The following CELF2 variants were observed in gnomAD, a reference collection of about 807,000 sequenced individuals.
The protein encoded by CELF2 is CUGBP Elav-like family member 2.
A neutral mutation model predicts 62.6 loss-of-function variants in CELF2; 8 were observed. That is an observed-to-expected ratio of 0.13 (90% CI 0.07 to 0.23). The LOEUF (loss-of-function observed/expected upper bound fraction) is 0.23, where lower values mean the gene tolerates loss of function less well. Among genes scored for constraint, CELF2 ranks in the 10% least tolerant of loss-of-function variants. The pLI, the probability that CELF2 is intolerant of heterozygous loss-of-function variation, is 1.00. For missense variants in CELF2, 333 were observed against 671.0 expected (o/e 0.50, Z 5.56); for synonymous variants, 258 against 250.0 (o/e 1.03, Z -0.30).
the CELF2 span, among the ~76,000 whole-genome samples, chr10:10,690,296 T>C: frequency 1.3e-5 from 2 of 152,218 alleles, no homozygotes; most frequent in African/African-American, 2.4e-5. Flanking sequence ...CTCCAGACTG[T>C]AGCTTCCTTG....
At chr10:10,819,401 A>G (rs959240588) in intron 1 of CELF2, among the ~76,000 whole-genome samples, 8 of 152,186 alleles carry the variant, frequency 5.3e-5, no homozygotes, top group African/African-American at 1.9e-4. Context: ...GCCAGAAACC[A>G]CGAATTTTAG....
chr10:10,698,424 A>G, the CELF2 span, among the ~76,000 whole-genome samples: 1 of 152,244 alleles, frequency 6.6e-6, no homozygotes, highest in African/African-American at 2.4e-5. Context: ...GATTAATAAG[A>G]AAGACAAAAC....
At chr10:10,953,967 A>G (rs1409257881) in intron 2 of CELF2, among the ~76,000 whole-genome samples, 1 of 151,988 alleles carries the variant, frequency 6.6e-6, no homozygotes, top group Non-Finnish European at 1.5e-5. Flanking sequence ...ATGAATAATC[A>G]TTTTACAGGA....
At chr10:10,828,278 T>C (rs7069558) in intron 1 of CELF2, among the ~76,000 whole-genome samples, 106,871 of 152,034 alleles carry the variant, frequency 0.7, 37,740 homozygotes, top group East Asian at 0.78. Context: ...CATCAACAGG[T>C]GAATAGATAA....
chr10:10,986,305 C>G lies in CELF2; in HGVS notation c.89+66306C>G, dbSNP rs1448208854. ...CAAAATACCAATAGAGATTTTTTCCCTCTAATATCTAAGAAAGCTGTTTTA... is the reference window on the plus strand; with the variant it reads ...CAAAATACCAATAGAGATTTTTTCCGTCTAATATCTAAGAAAGCTGTTTTA... On this transcript the variant is annotated intron_variant, in intron 2 of 13. Coordinates refer to the CELF2 transcript ENST00000636488. Among the ~76,000 whole-genome samples, 6 of 151,994 alleles carry G rather than the reference C, an allele frequency of 3.9e-5. No homozygotes were observed. The East Asian group carries it at 1.2e-3, about 29-fold the overall frequency.
In CELF2 at chr10:11,328,348, T is replaced by C. The variant is rs1479724627; in HGVS notation, c.1439-578T>C. ...TATGAGTGAGTTATTCTAGAGTTTA[T>C]TCGCTAATTGACCCATCCTCCAGCT... On this transcript the variant is annotated intron_variant, in intron 12 of 12. Coordinates refer to ENST00000633077, the MANE Select transcript of CELF2 (RefSeq NM_001326342.2). The surrounding 1 kb of genome is among the most constrained non-coding windows in gnomAD (Gnocchi z 6.4). Among the ~76,000 whole-genome samples the C allele has an allele frequency of 1.1e-4, 16 of 152,340 alleles. No homozygotes were observed. The highest frequency in any genetic ancestry group is 3.3e-4 in the Admixed American group (5 of 15,308).
chr10:11,144,435 CTG>C (rs2061883818), intron 1 of CELF2, among the ~76,000 whole-genome samples: 1 of 152,104 alleles, frequency 6.6e-6, no homozygotes. Flanking sequence ...ACGCAACAGA[CTG>C]TATGTAGTTT....
the CELF2 span, among the ~76,000 whole-genome samples, chr10:10,764,239 G>A: frequency 6.6e-6 from 1 of 152,188 alleles, no homozygotes; most frequent in African/African-American, 2.4e-5. Context: ...TATTTGAAAG[G>A]GAAATCATAT....
At chr10:10,542,876 G>T in the CELF2 span, among the ~76,000 whole-genome samples, 1 of 152,156 alleles carries the variant, frequency 6.6e-6, no homozygotes, top group East Asian at 1.9e-4. Flanking sequence ...TAGTGTGTTG[G>T]TCTCCTGGGC....
At position 11,165,099 on chromosome 10, in the gene CELF2, T is replaced by C; in HGVS notation, c.75-387T>C. On this transcript the variant is annotated intron_variant, in intron 1 of 12. Coordinates refer to ENST00000633077, the MANE Select transcript of CELF2 (RefSeq NM_001326342.2). The surrounding 1 kb of genome is among the most constrained non-coding windows in gnomAD (Gnocchi z 7.4). Reference sequence around the variant, plus strand: ...ATCCAGCAGACATCTAGCTCTGCCTTTCTTTCCCAGCCACAGCCAGGGTAG... The same window carrying C: ...ATCCAGCAGACATCTAGCTCTGCCTCTCTTTCCCAGCCACAGCCAGGGTAG... The C allele has an allele frequency of 1.0e-6, 1 of 1,000,564 alleles. No homozygotes were observed. Among genetic ancestry groups the C allele is most frequent in the South Asian group, 4.4e-5 (1 of 22,978 alleles). The allele number at this position is 1,000,564 out of a possible 1,614,324, so 62.0% of individuals were successfully genotyped here.
the CELF2 span, among the ~76,000 whole-genome samples, chr10:10,721,021 T>C: frequency 6.6e-6 from 1 of 152,252 alleles, no homozygotes; most frequent in South Asian, 2.1e-4. Context: ...TAAGCCACAT[T>C]AGACAGGTGA....
the CELF2 span, among the ~76,000 whole-genome samples, chr10:10,769,603 A>T: frequency 2.3e-4 from 35 of 152,154 alleles, no homozygotes; most frequent in African/African-American, 7.9e-4. Context: ...TCTCTACTAA[A>T]AAATACAAAA....
At chr10:10,660,943 G>T in the CELF2 span, among the ~76,000 whole-genome samples, 8 of 152,292 alleles carry the variant, frequency 5.3e-5, no homozygotes, top group African/African-American at 7.2e-5. Context: ...CTGTGTCGGG[G>T]ACTCTGAATA....
intron 9 of CELF2, among the ~76,000 whole-genome samples, chr10:11,293,457 G>T (rs568965841): frequency 2.0e-4 from 30 of 152,176 alleles, no homozygotes; most frequent in African/African-American, 6.8e-4. Flanking sequence ...CTTCCACATC[G>T]TATTGCTGAG....
Position 11,177,750 on chromosome 10 carries a change from A to G in CELF2, c.271+12068A>G, listed in dbSNP as rs1249751107. 1.3e-5 allele frequency among the ~76,000 whole-genome samples: 2 copies of G among 152,234 alleles called. No individual in the cohort carries two copies. The highest frequency in any genetic ancestry group is 4.8e-5 in the African/African-American group (2 of 41,470). On this transcript the variant is annotated intron_variant, in intron 2 of 12. Transcript: ENST00000633077. This position sits in a 1 kb window ranked among gnomAD's most constrained non-coding sequence, Gnocchi z 4.8. ...ATTTTGTCCTTTCTGTTCAGGATTC[A>G]ACAATTGCTTGTTGATTTGGGGTGA...
Position 11,247,971 on chromosome 10 carries a change from T to G in CELF2, c.355-1182T>G, listed in dbSNP as rs916781733. Among the ~76,000 whole-genome samples, 1 of 152,196 alleles carries G rather than the reference T, an allele frequency of 6.6e-6. No homozygotes were observed. Among genetic ancestry groups the G allele is most frequent in the Non-Finnish European group, 1.5e-5 (1 of 68,038 alleles). ...TTAGGTGCACGTGATCCTGACTGCC[T>G]GATGATAATTTCCCATGATGAAAGT... On this transcript the variant is annotated intron_variant, in intron 3 of 12. Transcript: ENST00000633077. The surrounding 1 kb of genome is among the most constrained non-coding windows in gnomAD (Gnocchi z 5.4).
intron 1 of CELF2, among the ~76,000 whole-genome samples, chr10:11,105,908 A>C (rs1200071005): frequency 2.0e-5 from 3 of 152,290 alleles, no homozygotes; most frequent in East Asian, 3.9e-4. Context: ...TCTTCATAGC[A>C]CTTACTATCT....
chr10:11,197,202 G>C (rs2058190343), intron 2 of CELF2, among the ~76,000 whole-genome samples: 1 of 151,992 alleles, frequency 6.6e-6, no homozygotes, highest in African/African-American at 2.4e-5. Context: ...AGAAATCTCT[G>C]GTTGAACGTG....
rs1036940090 is a variant in CELF2, at chr10:11,270,307, T to A, written c.619-359T>A. ...AGACACACAAAGCCAAGTCTGTCTT[T>A]AAGACGAGCAGCCTGAGAAGCTCAA... On this transcript the variant is annotated intron_variant, in intron 6 of 12. Coordinates refer to ENST00000633077, the MANE Select transcript of CELF2 (RefSeq NM_001326342.2). The surrounding 1 kb of genome is among the most constrained non-coding windows in gnomAD (Gnocchi z 5.8). Among the ~76,000 whole-genome samples the A allele has an allele frequency of 1.3e-5, 2 of 152,218 alleles. No individual in the cohort carries two copies. Among genetic ancestry groups the A allele is most frequent in the African/African-American group, 4.8e-5 (2 of 41,452 alleles).
Sources: gnomAD v4.1 joint callset for allele counts (sites outside exome capture counted in the v4.1 genomes callset) on GRCh38, gnomAD v4.1.1 for gene constraint, Gnocchi (gnomAD v3.1) non-coding constraint, MANE v1.5 for transcripts, NCBI Gene and HGNC (gene_info 2026-07-23, HGNC 2026-07-21) for gene names.